The following INPP5D variants were observed in gnomAD, a reference collection of about 807,000 sequenced individuals.
The protein encoded by INPP5D is inositol polyphosphate-5-phosphatase D.
Under a neutral mutation model 122.9 loss-of-function variants are expected in INPP5D, and 33 were observed. That is an observed-to-expected ratio of 0.27 (90% CI 0.20 to 0.36). INPP5D has a LOEUF of 0.36. Among genes scored for constraint, INPP5D ranks in the 10% least tolerant of loss-of-function variants. The probability of loss-of-function intolerance (pLI) is 1.00; values close to 1 mark genes in which losing one functional copy is unlikely to be tolerated. For synonymous variants in INPP5D, 584 were observed against 576.2 expected, an observed-to-expected ratio of 1.01 and a Z score of -0.19; for missense variants, 1,053 against 1,412.7, an observed-to-expected ratio of 0.75 and a Z score of 4.08.
At chr2:233,166,276 C>A (rs1325132697) in intron 13 of INPP5D, among the ~76,000 whole-genome samples, 1 of 152,220 alleles carries the variant, frequency 6.6e-6, no homozygotes, top group East Asian at 1.9e-4. Flanking sequence ...CATAAAACCA[C>A]CCCCTCAGCC....
intron 1 of INPP5D, among the ~76,000 whole-genome samples, chr2:233,061,606 C>G (rs888919990): frequency 1.3e-5 from 2 of 152,208 alleles, no homozygotes; most frequent in African/African-American, 4.8e-5. Context: ...GAACCCAGAC[C>G]TGTTTTGAAT....
chr2:233,181,002 C>T (rs151057886), intron 18 of INPP5D, among the ~76,000 whole-genome samples: 125 of 152,270 alleles, frequency 8.2e-4, no homozygotes, highest in African/African-American at 2.7e-3. Context: ...CTGATGCCCT[C>T]GCATCTTCCT....
chr2:233,112,733 A>G (rs747762268), intron 2 of INPP5D, among the ~76,000 whole-genome samples: 5 of 152,140 alleles, frequency 3.3e-5, no homozygotes, highest in Non-Finnish European at 7.3e-5. Flanking sequence ...GTGCAGTGGT[A>G]CGATCTCAGC....
rs781736082 is a variant in INPP5D, at chr2:233,204,625, C to A, written c.3475C>A (p.Arg1159Ser). The change falls in exon 26 of 27, where the codon CGC becomes AGC. Residue 1159 changes from arginine to serine, a missense_variant. Around this residue, in one of 6 missense-constraint regions of INPP5D, gnomAD observed 417 missense variants for 425.8 expected, o/e 0.98. Coordinates refer to ENST00000445964, the MANE Select transcript of INPP5D (RefSeq NM_001017915.3). Reference sequence around the variant, plus strand: ...GCTGCACCTCCAGCACTCCAAGGGCCGCGACTACCGCGACAACACCGAGCT... The same window carrying A: ...GCTGCACCTCCAGCACTCCAAGGGCAGCGACTACCGCGACAACACCGAGCT... Reference protein sequence around the residue: ...AVLHLQHSKGRDYRDNTELPH... With the variant: ...AVLHLQHSKGSDYRDNTELPH... 6.3e-7 allele frequency: 1 copy of A among 1,578,786 alleles called. No homozygotes were observed. The highest frequency in any genetic ancestry group is 8.6e-7 in the Non-Finnish European group (1 of 1,164,102).
At chr2:233,182,702 G>A (rs1195557372) in intron 19 of INPP5D, among the ~76,000 whole-genome samples, 1 of 151,956 alleles carries the variant, frequency 6.6e-6, no homozygotes, top group Non-Finnish European at 1.5e-5. Context: ...TGGCAAGTAT[G>A]TCAGCCTTTT....
chr2:233,077,142 AC>A (rs1363197730), intron 1 of INPP5D, among the ~76,000 whole-genome samples: 1 of 152,236 alleles, frequency 6.6e-6, no homozygotes, highest in Non-Finnish European at 1.5e-5. Context: ...GGTGAAAAAA[AC>A]AAATTTCAGA....
intron 1 of INPP5D, among the ~76,000 whole-genome samples, chr2:233,062,226 C>T (rs1295101894): frequency 6.6e-6 from 1 of 152,204 alleles, no homozygotes; most frequent in Non-Finnish European, 1.5e-5. Context: ...CGAGGGCTTC[C>T]AGGGCCCCAT....
chr2:233,095,647 C>T (rs1428749677), intron 2 of INPP5D, among the ~76,000 whole-genome samples: 1 of 143,226 alleles, frequency 7.0e-6, no homozygotes, highest in Non-Finnish European at 1.5e-5. Context: ...AAAAAAACAA[C>T]TCCTGGGCTC....
chr2:233,108,471 G>A (rs75736593), intron 2 of INPP5D, among the ~76,000 whole-genome samples: 20 of 152,304 alleles, frequency 1.3e-4, no homozygotes, highest in African/African-American at 3.9e-4. Flanking sequence ...ATATGTGGGC[G>A]CATCTGGCCC....
chr2:233,156,443 C>T (rs983136478), intron 9 of INPP5D, among the ~76,000 whole-genome samples: 3 of 152,246 alleles, frequency 2.0e-5, no homozygotes, highest in African/African-American at 7.2e-5. Flanking sequence ...GTGCCCGCCA[C>T]CACGCCTGGC....
chr2:233,089,128 G>A (rs559944261), intron 2 of INPP5D, among the ~76,000 whole-genome samples: 4 of 152,264 alleles, frequency 2.6e-5, no homozygotes, highest in East Asian at 1.9e-4. Flanking sequence ...GGGTGAGGGC[G>A]AGGGTGGATG....
chr2:233,119,980 G>A (rs1354955653), intron 2 of INPP5D, among the ~76,000 whole-genome samples: 3 of 152,208 alleles, frequency 2.0e-5, no homozygotes, highest in East Asian at 1.9e-4. Context: ...AAAGGCCAAC[G>A]CTTGGCCCAG....
At chr2:233,140,840 A>T (rs932252863) in intron 6 of INPP5D, 30 of 152,304 alleles carry the variant, frequency 2.0e-4, no homozygotes, top group African/African-American at 3.6e-4. Flanking sequence ...GGCCATTTTT[A>T]AAAAAATTCC....
intron 3 of INPP5D, among the ~76,000 whole-genome samples, chr2:233,125,173 C>T (rs1693120432): frequency 6.6e-6 from 1 of 152,258 alleles, no homozygotes; most frequent in Non-Finnish European, 1.5e-5. Flanking sequence ...TTGAATGTCT[C>T]TGAGTGAAGG....
chr2:233,190,087 C>T, intron 22 of INPP5D, 150 bp downstream of exon 22: 1 of 1,298,474 alleles, frequency 7.7e-7, no homozygotes, highest in Non-Finnish European at 1.0e-6. Context: ...ACCGTCACCA[C>T]TAAGTCATCC....
rs2106332408 is a variant in INPP5D at position 233,206,388 on chromosome 2, G to C, written c.3568-318G>C. On this transcript the variant is annotated intron_variant, in intron 26 of 26. Coordinates refer to ENST00000445964, the MANE Select transcript of INPP5D (RefSeq NM_001017915.3). This position sits in a 1 kb window ranked among gnomAD's most constrained non-coding sequence, Gnocchi z 4.0. ...ATATATATATGGTACGTACCTGGGT[G>C]TGGTGCCATGCACCTGTAGTCCCAG... Among the ~76,000 whole-genome samples, 1 of 151,964 alleles carries C rather than the reference G, an allele frequency of 6.6e-6. No individual in the cohort carries two copies. The highest frequency in any genetic ancestry group is 2.4e-5 in the African/African-American group (1 of 41,440).
At chr2:233,196,728 T>G (rs1695193673) in intron 24 of INPP5D, among the ~76,000 whole-genome samples, 1 of 152,194 alleles carries the variant, frequency 6.6e-6, no homozygotes, top group Non-Finnish European at 1.5e-5. Context: ...AATCAAGTTC[T>G]GGTCTCTTTG....
intron 2 of INPP5D, among the ~76,000 whole-genome samples, chr2:233,080,430 G>GGTGT (rs5839469): frequency 9.4e-5 from 14 of 148,602 alleles, no homozygotes; most frequent in Middle Eastern, 6.9e-3. Context: ...CCACATCCCG[G>GGTGT]GTGTGTGTGT....
Position 233,170,368 on chromosome 2 carries a change from G to T in INPP5D, c.1792-128G>T. ...GTGCTCACACCCGGTTCCCATAACT[G>T]TCACAGCCACCCTGCCACCATCACT... On this transcript the variant is annotated intron_variant, in intron 15 of 26. Coordinates refer to ENST00000445964, the MANE Select transcript of INPP5D (RefSeq NM_001017915.3). This position sits in a 1 kb window ranked among gnomAD's most constrained non-coding sequence, Gnocchi z 4.5. 6.6e-7 allele frequency: 1 copy of T among 1,504,066 alleles called. No homozygotes were observed. The highest frequency in any genetic ancestry group is 2.5e-5 in the East Asian group (1 of 40,800). The allele number at this position is 1,504,066 out of a possible 1,614,324, so 93.2% of individuals were successfully genotyped here.
Sources: allele counts gnomAD v4.1 joint callset (sites outside exome capture counted in the v4.1 genomes callset), GRCh38; gene constraint gnomAD v4.1.1; regional missense constraint gnomAD v4.1.1; non-coding constraint Gnocchi (gnomAD v3.1); transcripts MANE v1.5; gene names NCBI Gene and HGNC (gene_info 2026-07-23, HGNC 2026-07-21).